The following BLTP1 variants were observed in gnomAD, a reference collection of about 807,000 sequenced individuals.
BLTP1 encodes the protein bridge-like lipid transfer protein family member 1.
the BLTP1 span, among the ~76,000 whole-genome samples, chr4:122,195,354 A>T: frequency 6.6e-6 from 1 of 152,156 alleles, no homozygotes; most frequent in East Asian, 1.9e-4. Context: ...CAGAGTTGAA[A>T]TACAAACTGT....
chr4:122,275,875 C>A, the BLTP1 span: 3 of 1,292,022 alleles, frequency 2.3e-6, no homozygotes, highest in South Asian at 2.8e-5. Flanking sequence ...ATTAGAAAAG[C>A]TTTCCAGATG....
chr4:122,232,866 C>T, the BLTP1 span, among the ~76,000 whole-genome samples: 9 of 152,196 alleles, frequency 5.9e-5, no homozygotes, highest in South Asian at 2.1e-4. Context: ...TCCTAGGACT[C>T]GTGACGATTT....
At chr4:122,277,162 C>T in the BLTP1 span, 1 of 766,300 alleles carries the variant, frequency 1.3e-6, no homozygotes. Context: ...TATAATGAGA[C>T]CCTGTCTCTA....
the BLTP1 span, chr4:122,272,299 T>G: frequency 6.2e-7 from 1 of 1,613,390 alleles, no homozygotes; most frequent in Non-Finnish European, 8.5e-7. Flanking sequence ...TGTTTGGGAT[T>G]GGCATGGTGA....
At chr4:122,203,786 AG>A in the BLTP1 span, 1 of 504,026 alleles carries the variant, frequency 2.0e-6, no homozygotes, top group Non-Finnish European at 2.6e-6. Flanking sequence ...TAGTTATTAA[AG>A]AAAAAAACTA....
chr4:122,202,380 C>T, the BLTP1 span: 3 of 153,842 alleles, frequency 2.0e-5, no homozygotes, highest in Non-Finnish European at 2.9e-5. Flanking sequence ...ATTATTGAAT[C>T]CTCACAATAA....
the BLTP1 span, chr4:122,162,767 A>C: frequency 1.9e-6 from 1 of 526,904 alleles, no homozygotes. Context: ...AAGAAGAAAA[A>C]GGATGAAGTA....
chr4:122,334,196 AAGAAACTTGCC>A, the BLTP1 span: 1 of 778,206 alleles, frequency 1.3e-6, no homozygotes, highest in Admixed American at 3.0e-5. Flanking sequence ...AATAAAAGCA[AAGAAACTTGCC>A]AGGATCACAA....
At chr4:122,323,155 G>C in the BLTP1 span, among the ~76,000 whole-genome samples, 1 of 152,086 alleles carries the variant, frequency 6.6e-6, no homozygotes, top group Admixed American at 6.6e-5. Flanking sequence ...GGTTCCTGCA[G>C]CAGTTTTTAC....
chr4:122,176,461 A>T, the BLTP1 span, among the ~76,000 whole-genome samples: 1 of 152,188 alleles, frequency 6.6e-6, no homozygotes, highest in African/African-American at 2.4e-5. Context: ...TTGTAAAAAT[A>T]TATATAAAAT....
At chr4:122,171,521 T>C in the BLTP1 span, among the ~76,000 whole-genome samples, 2 of 152,144 alleles carry the variant, frequency 1.3e-5, no homozygotes, top group African/African-American at 2.4e-5. Context: ...GTTGTACATA[T>C]GTTGTCTCAC....
chr4:122,336,570 A>T, the BLTP1 span: 2 of 832,254 alleles, frequency 2.4e-6, no homozygotes, highest in Non-Finnish European at 2.8e-6. Flanking sequence ...CCATGGCCCC[A>T]CCTAGTTAAT....
chr4:122,171,907 CTTGT>C, the BLTP1 span: 8 of 985,076 alleles, frequency 8.1e-6, no homozygotes, highest in Non-Finnish European at 9.6e-6. Flanking sequence ...CGATTCCTGG[CTTGT>C]TTAATATTGA....
the BLTP1 span, among the ~76,000 whole-genome samples, chr4:122,275,732 A>G: frequency 1.3e-5 from 2 of 152,128 alleles, no homozygotes; most frequent in African/African-American, 4.8e-5. Context: ...TTGAAAAATA[A>G]AAATTATTTA....
the BLTP1 span, chr4:122,155,070 C>A: frequency 2.9e-6 from 1 of 339,518 alleles, no homozygotes; most frequent in Non-Finnish European, 4.2e-6. Flanking sequence ...GACATCCAGG[C>A]TTCTGGTAAT....
the BLTP1 span, chr4:122,337,117 T>A: frequency 9.0e-7 from 1 of 1,112,924 alleles, no homozygotes; most frequent in Non-Finnish European, 1.3e-6. Context: ...AAAGTTTTCT[T>A]AACCTCAGGT....
At chr4:122,331,020 A>G in the BLTP1 span, 6 of 964,056 alleles carry the variant, frequency 6.2e-6, no homozygotes, top group Non-Finnish European at 7.4e-6. Context: ...TAACATTTAA[A>G]TGTTATAATT....
the BLTP1 span, among the ~76,000 whole-genome samples, chr4:122,252,979 G>C: frequency 4.6e-5 from 7 of 152,204 alleles, no homozygotes; most frequent in Non-Finnish European, 1.0e-4. Flanking sequence ...TTGGGAGAAA[G>C]TAAGGGAAGA....
At chr4:122,233,618 A>G in the BLTP1 span, among the ~76,000 whole-genome samples, 1 of 152,308 alleles carries the variant, frequency 6.6e-6, no homozygotes, top group East Asian at 1.9e-4. Context: ...GACCAGTGCA[A>G]TCTCAAGCTC....
Sources: gnomAD v4.1 joint callset for allele counts (sites outside exome capture counted in the v4.1 genomes callset) on GRCh38, gnomAD v4.1.1 for gene constraint, MANE v1.5 for transcripts, NCBI Gene and HGNC (gene_info 2026-07-23, HGNC 2026-07-21) for gene names.